Variants in RAP1GAP observed in about 807,000 individuals in gnomAD.
The protein encoded by RAP1GAP is RAP1 GTPase activating protein, also known as rap1 GTPase-activating protein 1.
A neutral mutation model predicts 87.2 loss-of-function variants in RAP1GAP; 35 were observed. The observed-to-expected ratio is 0.40, with a 90% confidence interval of 0.31 to 0.53. RAP1GAP has a LOEUF of 0.53. Ranked by LOEUF, RAP1GAP falls within the 20% of genes least tolerant of loss-of-function variation. The probability of loss-of-function intolerance (pLI) is 0.48; values close to 1 mark genes in which losing one functional copy is unlikely to be tolerated. For synonymous variants in RAP1GAP, 375 were observed against 363.9 expected (o/e 1.03, Z -0.35); for missense variants, 734 against 898.9 (o/e 0.82, Z 2.35).
chr1:21,597,992 A>G lies in RAP1GAP; in HGVS notation c.1952T>C (p.Leu651Pro). ...DPACPEIKIQ[L>P]EASEQHMPQL... ...GGGCATGTGCTGCTCAGATGCTTCC[A>G]GCTGGATCTTGATCTCGGGACACGC... The change falls in exon 23 of 25, where the codon CTG becomes CCG. Residue 651 changes from leucine (L) to proline (P), a missense_variant. Physicochemically the swap from Leu to Pro is moderately conservative, Grantham distance 98 (BLOSUM62 -3). This residue lies in a region of RAP1GAP where 249 missense variants were observed against 252.7 expected (regional missense o/e 0.99). Transcript: ENST00000374765. The G allele has an allele frequency of 6.3e-7, 1 of 1,579,368 alleles. No homozygotes were observed. The highest frequency in any genetic ancestry group is 1.8e-5 in the Admixed American group (1 of 54,300).
At chr1:21,611,954 G>T (rs773297446) in intron 11 of RAP1GAP, 72 bp downstream of exon 11, 9 of 1,482,612 alleles carry the variant, frequency 6.1e-6, no homozygotes, top group Non-Finnish European at 8.4e-6. Context: ...CCGGTGTGCT[G>T]CCCTGGAAAA....
intron 20 of RAP1GAP, 42 bp from the exon 21 acceptor site, chr1:21,599,659 C>T: frequency 6.3e-7 from 1 of 1,580,624 alleles, no homozygotes; most frequent in Non-Finnish European, 8.6e-7. Context: ...CCACCCCGAG[C>T]CCCTCCTGGG....
At chr1:21,649,867 C>T in intron 1 of RAP1GAP, 71 bp from the exon 2 acceptor site, 1 of 1,444,250 alleles carries the variant, frequency 6.9e-7, no homozygotes, top group Non-Finnish European at 9.5e-7. Flanking sequence ...GCATATCACA[C>T]CCACCTGCAC....
intron 2 of RAP1GAP, among the ~76,000 whole-genome samples, chr1:21,635,819 G>A (rs1053455286): frequency 1.3e-5 from 2 of 152,236 alleles, no homozygotes; most frequent in African/African-American, 4.8e-5. Flanking sequence ...CACAGTGTGT[G>A]CAGGATTAAG....
At chr1:21,644,592 A>G (rs1304009800) in intron 2 of RAP1GAP, among the ~76,000 whole-genome samples, 1 of 152,132 alleles carries the variant, frequency 6.6e-6, no homozygotes, top group Admixed American at 6.6e-5. Context: ...TTAGCATGTA[A>G]CCTTGCTTTG....
chr1:21,600,362 C>T (rs1484110483), intron 20 of RAP1GAP, among the ~76,000 whole-genome samples: 2 of 152,164 alleles, frequency 1.3e-5, no homozygotes, highest in African/African-American at 4.8e-5. Context: ...CCTCTCTGTT[C>T]ACCTACCCGG....
intron 17 of RAP1GAP, 122 bp downstream of exon 17, chr1:21,608,091 A>C (rs1162539963): frequency 2.9e-6 from 4 of 1,376,982 alleles, no homozygotes; most frequent in African/African-American, 3.0e-5. Flanking sequence ...CCACCCCCTC[A>C]GCCACGCCCC....
At chr1:21,621,587 G>C (rs2087617316) in intron 3 of RAP1GAP, among the ~76,000 whole-genome samples, 1 of 152,230 alleles carries the variant, frequency 6.6e-6, no homozygotes, top group African/African-American at 2.4e-5. Flanking sequence ...ATTTGAAAGA[G>C]ACAATTCCGC....
chr1:21,624,769 G>A (rs2091089044), intron 3 of RAP1GAP, among the ~76,000 whole-genome samples: 1 of 152,174 alleles, frequency 6.6e-6, no homozygotes, highest in South Asian at 2.1e-4. Flanking sequence ...GAAGCCCGAG[G>A]GGAGGCAGCT....
intron 2 of RAP1GAP, among the ~76,000 whole-genome samples, chr1:21,641,696 C>T (rs995155266): frequency 1.4e-4 from 21 of 152,166 alleles, no homozygotes; most frequent in African/African-American, 5.1e-4. Flanking sequence ...GAACATTGCC[C>T]GTTTGCAGGC....
At chr1:21,650,045 G>C (rs2096436339) in intron 1 of RAP1GAP, among the ~76,000 whole-genome samples, 3 of 151,786 alleles carry the variant, frequency 2.0e-5, no homozygotes, top group Non-Finnish European at 2.9e-5. Context: ...GTGGGGCAGG[G>C]GGCAGGGCTG....
chr1:21,612,080 C>T lies in RAP1GAP; in HGVS notation c.558G>A (p.Glu186=), dbSNP rs564292242. The T allele has an allele frequency of 4.6e-5, 71 of 1,553,572 alleles. No homozygotes were observed. The highest frequency in any genetic ancestry group is 5.9e-5 in the Non-Finnish European group (68 of 1,147,924). Residue 186 remains glutamate (E), a synonymous_variant, in exon 11 of 25, where the codon GAG becomes GAA. Transcript: ENST00000374765. ...ACTTGAAGTTATTGCTGATGACATG[C>T]TCGTCAAAGGTGACGATGAGCCGGG... ...KASRLIVTFD[E]HVISNNFKFG...
chr1:21,649,640 A>G, intron 2 of RAP1GAP, 121 bp downstream of exon 2: 1 of 1,201,200 alleles, frequency 8.3e-7, no homozygotes, highest in Non-Finnish European at 1.2e-6. Context: ...CCTTGCCCTG[A>G]GAGGATGGTT....
At chr1:21,659,278 C>T (rs1240506650) in intron 1 of RAP1GAP, among the ~76,000 whole-genome samples, 1 of 152,194 alleles carries the variant, frequency 6.6e-6, no homozygotes, top group African/African-American at 2.4e-5. Flanking sequence ...ACCAATTGGC[C>T]GTCATAAGAA....
At chr1:21,658,810 A>G (rs1051522999) in intron 1 of RAP1GAP, among the ~76,000 whole-genome samples, 25 of 151,766 alleles carry the variant, frequency 1.6e-4, no homozygotes, top group Admixed American at 2.0e-4. Context: ...TGGTGTGGTC[A>G]TGCCACAGCA....
intron 2 of RAP1GAP, among the ~76,000 whole-genome samples, chr1:21,627,299 A>G (rs1024175119): frequency 1.3e-5 from 2 of 152,140 alleles, no homozygotes; most frequent in African/African-American, 4.8e-5. Flanking sequence ...CTGGTGGCCT[A>G]CAGCAGGCTT....
intron 2 of RAP1GAP, among the ~76,000 whole-genome samples, chr1:21,644,900 C>CAAAA (rs34783815): frequency 3.7e-4 from 42 of 114,502 alleles, no homozygotes; most frequent in African/African-American, 5.9e-4. Context: ...GACCCTGTCT[C>CAAAA]AAAAAAAAAA....
chr1:21,628,303 A>G (rs1438585123), intron 2 of RAP1GAP, among the ~76,000 whole-genome samples: 1 of 150,920 alleles, frequency 6.6e-6, no homozygotes, highest in Non-Finnish European at 1.5e-5. Context: ...CTGTAATCCC[A>G]GCACTTTGGG....
At position 21,599,525 on chromosome 1, in the gene RAP1GAP, G is replaced by T; in HGVS notation, c.1745C>A (p.Thr582Lys). The change falls in exon 21 of 25, where the codon ACG becomes AAG. Residue 582 changes from threonine (T) to lysine (K), a missense_variant. Around this residue, in one of 2 missense-constraint regions of RAP1GAP, gnomAD observed 249 missense variants for 252.7 expected, o/e 0.99. Transcript: ENST00000374765. ...TGTGTCCTCTCCGTCCACACCCTCC[G>T]TCTCCTCCACCACGCTGGCGAAGCT... Reference protein sequence around the residue: ...ASSFASVVEETEGVDGEDTGL... With the variant: ...ASSFASVVEEKEGVDGEDTGL... The T allele has an allele frequency of 1.2e-6, 2 of 1,609,606 alleles. No homozygotes were observed. The highest frequency in any genetic ancestry group is 1.7e-6 in the Non-Finnish European group (2 of 1,179,960).
Sources: allele counts gnomAD v4.1 joint callset (sites outside exome capture counted in the v4.1 genomes callset), GRCh38; gene constraint gnomAD v4.1.1; regional missense constraint gnomAD v4.1.1; transcripts MANE v1.5; gene names NCBI Gene and HGNC (gene_info 2026-07-23, HGNC 2026-07-21).